Variants in CSMD3 observed in about 807,000 individuals in gnomAD.
The protein encoded by CSMD3 is CUB and sushi domain-containing protein 3.
Under a neutral mutation model 435.2 loss-of-function variants are expected in CSMD3, and 177 were observed. The ratio of observed to expected loss-of-function variants is 0.41; its 90% confidence interval spans 0.36 to 0.46. The LOEUF (loss-of-function observed/expected upper bound fraction) is 0.46, where lower values mean the gene tolerates loss of function less well. Ranked by LOEUF, CSMD3 falls within the 20% of genes least tolerant of loss-of-function variation. The pLI, the probability that CSMD3 is intolerant of heterozygous loss-of-function variation, is 0.34. For synonymous variants in CSMD3, 1,656 were observed against 1,520.5 expected, an observed-to-expected ratio of 1.09 and a Z score of -2.07; for missense variants, 4,265 against 4,504.6, an observed-to-expected ratio of 0.95 and a Z score of 1.52.
intron 1 of CSMD3, among the ~76,000 whole-genome samples, chr8:113,405,295 G>A (rs1476367317): frequency 6.6e-6 from 1 of 151,528 alleles, no homozygotes. Flanking sequence ...GGAAAAACTA[G>A]ATTTGAATGA....
chr8:112,752,284 C>T (rs1007105822), intron 13 of CSMD3, among the ~76,000 whole-genome samples: 2 of 152,126 alleles, frequency 1.3e-5, no homozygotes, highest in African/African-American at 4.8e-5. Context: ...TATCACAGTG[C>T]CCAATTTCAG....
chr8:112,443,971 A>G (rs981169180), intron 32 of CSMD3, among the ~76,000 whole-genome samples: 3 of 152,212 alleles, frequency 2.0e-5, no homozygotes, highest in Non-Finnish European at 4.4e-5. Context: ...CATTTTGCAG[A>G]AAAGAAAAAT....
intron 5 of CSMD3, among the ~76,000 whole-genome samples, chr8:113,074,993 G>C (rs1220380485): frequency 6.6e-6 from 1 of 151,484 alleles, no homozygotes; most frequent in Non-Finnish European, 1.5e-5. Context: ...TATAATTTAT[G>C]ATAATTTTTT....
intron 10 of CSMD3, among the ~76,000 whole-genome samples, chr8:112,898,960 C>G (rs1211203912): frequency 6.6e-6 from 1 of 151,166 alleles, no homozygotes; most frequent in East Asian, 2.0e-4. Flanking sequence ...ACATTACTAA[C>G]TCTTCAAATA....
chr8:113,156,222 T>C (rs544594194), intron 4 of CSMD3, among the ~76,000 whole-genome samples: 58 of 152,078 alleles, frequency 3.8e-4, no homozygotes, highest in Non-Finnish European at 3.7e-4. Flanking sequence ...AGGTGCCTAG[T>C]GTGCCAAATA....
chr8:112,854,193 T>C (rs542673043), intron 11 of CSMD3, among the ~76,000 whole-genome samples: 40 of 152,308 alleles, frequency 2.6e-4, no homozygotes, highest in African/African-American at 6.7e-4. Context: ...CTAATACAGA[T>C]TATATTTTTC....
chr8:113,253,404 G>T (rs1292217308), intron 3 of CSMD3, among the ~76,000 whole-genome samples: 1 of 151,836 alleles, frequency 6.6e-6, no homozygotes, highest in Non-Finnish European at 1.5e-5. Context: ...ACAGGCCCCG[G>T]TGTGTGATGT....
intron 27 of CSMD3, among the ~76,000 whole-genome samples, chr8:112,534,180 C>G (rs902726275): frequency 1.6e-4 from 25 of 151,902 alleles, no homozygotes; most frequent in East Asian, 5.8e-4. Flanking sequence ...AATCAGAGCA[C>G]AACTGAAGGA....
At chr8:113,334,286 T>TG (rs1588538709) in intron 1 of CSMD3, among the ~76,000 whole-genome samples, 1 of 91,976 alleles carries the variant, frequency 1.1e-5, no homozygotes, top group South Asian at 3.9e-4. Context: ...AGTTTTTTTT[T>TG]TTTTTTTTTC....
chr8:113,134,029 A>G (rs549766909), intron 4 of CSMD3, among the ~76,000 whole-genome samples: 2 of 152,214 alleles, frequency 1.3e-5, no homozygotes, highest in South Asian at 4.2e-4. Context: ...AATGATTAAG[A>G]TGGTAAATTT....
chr8:112,370,860 T>G (rs1828324265), intron 38 of CSMD3, among the ~76,000 whole-genome samples: 1 of 152,126 alleles, frequency 6.6e-6, no homozygotes, highest in Non-Finnish European at 1.5e-5. Flanking sequence ...GCCTCTTTGG[T>G]TGACTAATGG....
intron 4 of CSMD3, among the ~76,000 whole-genome samples, chr8:113,117,558 G>A (rs559299546): frequency 6.6e-6 from 1 of 152,338 alleles, no homozygotes; most frequent in Non-Finnish European, 1.5e-5. Context: ...GCACTGCCTA[G>A]TGGAGCTGTG....
intron 11 of CSMD3, among the ~76,000 whole-genome samples, chr8:112,852,710 C>A (rs1015984125): frequency 3.3e-5 from 5 of 151,980 alleles, no homozygotes; most frequent in African/African-American, 1.2e-4. Flanking sequence ...ATCGCGAGGT[C>A]AGGAGATTGA....
chr8:112,342,522 T>G (rs1825220079), intron 41 of CSMD3, among the ~76,000 whole-genome samples: 1 of 152,132 alleles, frequency 6.6e-6, no homozygotes, highest in African/African-American at 2.4e-5. Context: ...TTACCTGCCT[T>G]AAGTGATTTA....
chr8:112,446,464 T>G (rs1296333348), intron 32 of CSMD3, among the ~76,000 whole-genome samples: 1 of 152,234 alleles, frequency 6.6e-6, no homozygotes, highest in Non-Finnish European at 1.5e-5. Context: ...GTAATTCTTA[T>G]GAAAGCAGTT....
chr8:113,355,785 GTGTGTGTGTT>G (rs1330319585), intron 1 of CSMD3, among the ~76,000 whole-genome samples: 7 of 116,382 alleles, frequency 6.0e-5, no homozygotes, highest in African/African-American at 8.4e-5. Context: ...GTGTGTGTGT[GTGTGTGTGTT>G]TGTCAACTAT....
At chr8:113,006,308 C>G (rs1044043441) in intron 6 of CSMD3, among the ~76,000 whole-genome samples, 1 of 151,924 alleles carries the variant, frequency 6.6e-6, no homozygotes, top group African/African-American at 2.4e-5. Context: ...GACTTTTGGA[C>G]TCTTCAGGCA....
intron 5 of CSMD3, among the ~76,000 whole-genome samples, chr8:113,090,882 C>T (rs1039023117): frequency 2.6e-5 from 4 of 152,152 alleles, no homozygotes; most frequent in Middle Eastern, 6.8e-3. Flanking sequence ...TCAAATAAAT[C>T]TCACTCTGCT....
At chr8:113,301,923 C>T (rs1376033757) in intron 2 of CSMD3, among the ~76,000 whole-genome samples, 1 of 151,570 alleles carries the variant, frequency 6.6e-6, no homozygotes, top group African/African-American at 2.4e-5. Flanking sequence ...TTTAAGTGGA[C>T]CCTGATATAA....
Sources: allele counts gnomAD v4.1 joint callset (sites outside exome capture counted in the v4.1 genomes callset), GRCh38; gene constraint gnomAD v4.1.1; transcripts MANE v1.5; gene names NCBI Gene and HGNC (gene_info 2026-07-23, HGNC 2026-07-21).